Variants in ZBTB7C observed in about 807,000 individuals in gnomAD.
The protein encoded by ZBTB7C is zinc finger and BTB domain-containing protein 7C.
Under a neutral mutation model 25.7 loss-of-function variants are expected in ZBTB7C, and 8 were observed. The ratio of observed to expected loss-of-function variants is 0.31; its 90% CI spans 0.18 to 0.56. The LOEUF (loss-of-function observed/expected upper bound fraction) is 0.56. ZBTB7C is among the 20% of genes least tolerant of loss of function. The probability of loss-of-function intolerance (pLI) is 0.91; values close to 1 mark genes in which losing one functional copy is unlikely to be tolerated. For missense variants in ZBTB7C, 824 were observed against 855.2 expected, an observed-to-expected ratio of 0.96 and a Z score of 0.46; for synonymous variants, 394 against 369.0, an observed-to-expected ratio of 1.07 and a Z score of -0.78.
intron 3 of ZBTB7C, among the ~76,000 whole-genome samples, chr18:48,117,179 C>T (rs148231456): frequency 3.9e-4 from 59 of 152,304 alleles, no homozygotes; most frequent in African/African-American, 1.1e-3. Flanking sequence ...CCAGTCCCTC[C>T]GTGGACAAAG....
intron 2 of ZBTB7C, among the ~76,000 whole-genome samples, chr18:48,229,319 C>T (rs1357984733): frequency 6.6e-6 from 1 of 152,110 alleles, no homozygotes; most frequent in Non-Finnish European, 1.5e-5. Flanking sequence ...TTATTTTATT[C>T]CCAAGATTTA....
At chr18:48,338,681 G>C (rs993206081) in intron 1 of ZBTB7C, among the ~76,000 whole-genome samples, 1 of 152,070 alleles carries the variant, frequency 6.6e-6, no homozygotes, top group African/African-American at 2.4e-5. Flanking sequence ...TCATCTGCCT[G>C]AAAGACTCAC....
intron 1 of ZBTB7C, among the ~76,000 whole-genome samples, chr18:48,394,195 G>T (rs968176444): frequency 6.6e-6 from 1 of 152,140 alleles, no homozygotes; most frequent in Non-Finnish European, 1.5e-5. Flanking sequence ...CAGGTGTGTT[G>T]TACCTGCAAG....
intron 3 of ZBTB7C, among the ~76,000 whole-genome samples, chr18:48,070,340 C>T (rs946836379): frequency 6.6e-6 from 1 of 152,178 alleles, no homozygotes; most frequent in Non-Finnish European, 1.5e-5. Flanking sequence ...AGCTTTGAAG[C>T]CTGAATCCCA....
intron 2 of ZBTB7C, among the ~76,000 whole-genome samples, chr18:48,202,581 C>G (rs2042479446): frequency 6.6e-6 from 1 of 152,080 alleles, no homozygotes; most frequent in African/African-American, 2.4e-5. Context: ...AACCCCACCT[C>G]TCCCCGCCCA....
chr18:48,148,142 ACCT>A (rs2040554161), intron 3 of ZBTB7C: 2 of 144,612 alleles, frequency 1.4e-5, no homozygotes, highest in African/African-American at 5.1e-5. Flanking sequence ...GATTACAGGC[ACCT>A]GCCACCACGG....
intron 2 of ZBTB7C, among the ~76,000 whole-genome samples, chr18:48,314,351 C>G (rs1004887883): frequency 1.3e-5 from 2 of 152,200 alleles, no homozygotes; most frequent in East Asian, 3.9e-4. Flanking sequence ...TTAAGACTTA[C>G]CAATGACAGA....
chr18:48,133,537 A>G (rs2040051717), intron 3 of ZBTB7C, among the ~76,000 whole-genome samples: 1 of 152,108 alleles, frequency 6.6e-6, no homozygotes, highest in Non-Finnish European at 1.5e-5. Context: ...ATTCAAATTT[A>G]TTAAGCAATA....
intron 2 of ZBTB7C, among the ~76,000 whole-genome samples, chr18:48,225,945 G>A (rs1234341869): frequency 1.3e-5 from 2 of 152,154 alleles, no homozygotes; most frequent in Admixed American, 1.3e-4. Flanking sequence ...GTTTCACCAT[G>A]TTGGGCAGGA....
Position 48,029,616 on chromosome 18 carries a change from T to C in ZBTB7C, c.1504A>G (p.Lys502Glu), listed in dbSNP as rs546470714. Residue 502 changes from lysine (K) to glutamate (E), a missense_variant, in exon 5 of 5, where the codon AAG becomes GAG. Physicochemically the swap from Lys to Glu is moderately conservative, Grantham distance 56 (BLOSUM62 1). This residue lies in a region of ZBTB7C where 342 missense variants were observed against 307.0 expected (regional missense o/e 1.11). Coordinates refer to ENST00000590800, the MANE Select transcript of ZBTB7C (RefSeq NM_001318841.2). ...LFGPGGPAPD[K>E]AAFVMPPALG... ...GCAGGGGGCATCACGAAGGCCGCCT[T>C]GTCGGGGGCCGGGCCGCCGGGCCCG... is the stretch of plus-strand genomic sequence containing the variant. The C allele has an allele frequency of 2.7e-6, 4 of 1,490,558 alleles. No homozygotes were observed. The South Asian group carries it at 5.3e-5, about 20-fold the overall frequency. 92.3% of individuals were successfully genotyped at this position (1,490,558 alleles called of 1,614,324 possible). A position where few individuals can be genotyped will look rare whatever the true frequency, so the allele number is the denominator to read the frequency against.
chr18:48,123,852 T>A (rs1251184123), intron 3 of ZBTB7C, among the ~76,000 whole-genome samples: 1 of 152,178 alleles, frequency 6.6e-6, no homozygotes, highest in East Asian at 1.9e-4. Context: ...ATTGTAAACA[T>A]AAACATGTAT....
chr18:48,116,589 G>A (rs917070188), intron 3 of ZBTB7C, among the ~76,000 whole-genome samples: 4 of 152,022 alleles, frequency 2.6e-5, no homozygotes, highest in Admixed American at 6.6e-5. Context: ...CTTTCCTACC[G>A]CTACCCTGGC....
At chr18:48,260,407 G>A (rs117105380) in intron 2 of ZBTB7C, among the ~76,000 whole-genome samples, 129 of 152,308 alleles carry the variant, frequency 8.5e-4, no homozygotes, top group Non-Finnish European at 1.7e-3. Flanking sequence ...TGAAGGATAT[G>A]TCTATTATTT....
rs2036184276 is a variant in ZBTB7C at position 48,040,570 on chromosome 18, G to A, written c.538C>T (p.Pro180Ser). The change falls in exon 4 of 5, where the codon CCC becomes TCC. Residue 180 changes from proline (P) to serine (S), a missense_variant. Around this residue, in one of 4 missense-constraint regions of ZBTB7C, gnomAD observed 316 missense variants for 299.2 expected, o/e 1.06. Coordinates refer to ENST00000590800, the MANE Select transcript of ZBTB7C (RefSeq NM_001318841.2). ...DFADQENLPD[P>S]QDISCHQSPS... ...CTTTGGTGGCAGCTGATGTCCTGGG[G>A]GTCAGGCAAGTTTTCTTGGTCAGCA... 7 of 1,613,996 alleles carry A rather than the reference G, an allele frequency of 4.3e-6. No homozygotes were observed. Among genetic ancestry groups the A allele is most frequent in the Non-Finnish European group, 5.9e-6 (7 of 1,179,972 alleles).
intron 2 of ZBTB7C, among the ~76,000 whole-genome samples, chr18:48,200,331 T>C (rs1240448123): frequency 2.6e-5 from 4 of 151,822 alleles, no homozygotes; most frequent in African/African-American, 4.8e-5. Flanking sequence ...ACACTCCATA[T>C]TTTGCCTTGG....
intron 2 of ZBTB7C, among the ~76,000 whole-genome samples, chr18:48,328,769 T>C (rs934827658): frequency 2.0e-5 from 3 of 152,064 alleles, no homozygotes; most frequent in Non-Finnish European, 2.9e-5. Flanking sequence ...GGGTTCTTGA[T>C]GTGCCTGGTA....
chr18:48,105,957 T>C (rs913419522), intron 3 of ZBTB7C, among the ~76,000 whole-genome samples: 23 of 152,280 alleles, frequency 1.5e-4, no homozygotes, highest in African/African-American at 5.5e-4. Context: ...TATGGTCTCA[T>C]GTTTTAGAAC....
intron 3 of ZBTB7C, chr18:48,041,433 C>T (rs528215770): frequency 8.1e-6 from 8 of 985,330 alleles, no homozygotes; most frequent in Non-Finnish European, 9.6e-6. Flanking sequence ...TGCCAACATG[C>T]AGTTGCAGAA....
At chr18:48,037,270 C>G (rs1294445898) in intron 4 of ZBTB7C, among the ~76,000 whole-genome samples, 3 of 152,256 alleles carry the variant, frequency 2.0e-5, no homozygotes, top group Non-Finnish European at 4.4e-5. Context: ...GGCCGTCATT[C>G]TGGAGCAGGA....
Sources: allele counts gnomAD v4.1 joint callset (sites outside exome capture counted in the v4.1 genomes callset), GRCh38; gene constraint gnomAD v4.1.1; regional missense constraint gnomAD v4.1.1; transcripts MANE v1.5; gene names NCBI Gene and HGNC (gene_info 2026-07-23, HGNC 2026-07-21).